RPS6KA6: variants seen among roughly 807,000 people sequenced by gnomAD.
RPS6KA6 encodes ribosomal protein S6 kinase A6.
Under a neutral mutation model 65.4 loss-of-function variants are expected in RPS6KA6, and 27 were observed. The ratio of observed to expected loss-of-function variants is 0.41; its 90% CI spans 0.30 to 0.57. The LOEUF (loss-of-function observed/expected upper bound fraction) is 0.57, where lower values mean the gene tolerates loss of function less well. Ranked by LOEUF, RPS6KA6 falls within the 20% of genes least tolerant of loss-of-function variation. RPS6KA6 has a pLI of 0.24. For missense variants in RPS6KA6, 486 were observed against 555.6 expected (o/e 0.87, Z 1.26); for synonymous variants, 190 against 184.2 (o/e 1.03, Z -0.26).
chrX:84,060,599 A>G lies in RPS6KA6; in HGVS notation c.*3678T>C, dbSNP rs918382181. 6.3e-5 allele frequency: 7 copies of G among 110,983 alleles called. No individual in the cohort carries two copies. The Admixed American group carries it at 6.7e-4, about 11-fold the overall frequency. 9.1% of individuals were successfully genotyped at this position (110,983 alleles called of 1,213,427 possible). On this transcript the variant is annotated 3_prime_UTR_variant, in exon 22 of 22. Coordinates refer to ENST00000262752, the MANE Select transcript of RPS6KA6 (RefSeq NM_014496.5). ...TAATCGCCAATCTCTGTCTACCTCCACATCATTTTGTCATAGAAGTTCATT... is the reference window on the plus strand; with the variant it reads ...TAATCGCCAATCTCTGTCTACCTCCGCATCATTTTGTCATAGAAGTTCATT...
At chrX:84,157,541 A>C (rs746097206) in intron 2 of RPS6KA6, among the ~76,000 whole-genome samples, 1 of 111,146 alleles carries the variant, frequency 9.0e-6, no homozygotes, top group African/African-American at 3.3e-5. Context: ...ATATTAAAGT[A>C]TAATATATCT....
rs1159492845 is a variant in RPS6KA6 at position 84,060,434 on chromosome X, A to T, written c.*3843T>A. Reference sequence around the variant, plus strand: ...GGACTCCATGAGTAGTTTGGATTCAATCTCTCTGTGCTTTTTTTTTTCTTT... The same window carrying T: ...GGACTCCATGAGTAGTTTGGATTCATTCTCTCTGTGCTTTTTTTTTTCTTT... On this transcript the variant is annotated 3_prime_UTR_variant, in exon 22 of 22. Coordinates refer to ENST00000262752, the MANE Select transcript of RPS6KA6 (RefSeq NM_014496.5). The T allele has an allele frequency of 1.0e-5, 1 of 97,245 alleles. No homozygotes were observed. The highest frequency in any genetic ancestry group is 2.0e-5 in the Non-Finnish European group (1 of 49,291). 8.0% of individuals were successfully genotyped at this position (97,245 alleles called of 1,213,427 possible). A position where few individuals can be genotyped will look rare whatever the true frequency, so the allele number is the denominator to read the frequency against.
At chrX:84,156,248 T>C in intron 2 of RPS6KA6, 57 bp from the exon 3 acceptor site, 1 of 646,375 alleles carries the variant, frequency 1.5e-6, no homozygotes, top group Non-Finnish European at 2.5e-6. Flanking sequence ...TCTGATTAGT[T>C]CCATTTAAAA....
intron 9 of RPS6KA6, 68 bp downstream of exon 9, chrX:84,119,817 A>G: frequency 2.2e-6 from 2 of 906,299 alleles, no homozygotes; most frequent in Non-Finnish European, 2.9e-6. Context: ...CCAAAATTTG[A>G]ATTAAAATAA....
At chrX:84,082,131 A>C (rs1461704725) in intron 20 of RPS6KA6, among the ~76,000 whole-genome samples, 1 of 111,850 alleles carries the variant, frequency 8.9e-6, no homozygotes, top group Non-Finnish European at 1.9e-5. Flanking sequence ...AAGGGTATTC[A>C]AATAGGAGGA....
intron 2 of RPS6KA6, among the ~76,000 whole-genome samples, chrX:84,159,841 G>T (rs2035483005): frequency 9.1e-6 from 1 of 110,247 alleles, no homozygotes; most frequent in Non-Finnish European, 1.9e-5. Context: ...CTTATTTGAG[G>T]AGGAAATTAG....
In RPS6KA6 at chrX:84,061,110, C is replaced by T. The variant is rs926233572; in HGVS notation, c.*3167G>A. On this transcript the variant is annotated 3_prime_UTR_variant, in exon 22 of 22. Coordinates refer to ENST00000262752, the MANE Select transcript of RPS6KA6 (RefSeq NM_014496.5). ...AGATAGCATGAAGGGGCTGGAAAGC[C>T]AGGAGAAAGAGAATGTACAGAATAC... 8.9e-6 allele frequency: 1 copy of T among 111,996 alleles called. No individual in the cohort carries two copies. Among genetic ancestry groups the T allele is most frequent in the Non-Finnish European group, 1.9e-5 (1 of 53,123 alleles). 9.2% of individuals were successfully genotyped at this position (111,996 alleles called of 1,213,427 possible). A position where few individuals can be genotyped will look rare whatever the true frequency, so the allele number is the denominator to read the frequency against.
chrX:84,181,962 T>A (rs1214291581), intron 1 of RPS6KA6, among the ~76,000 whole-genome samples: 1 of 109,350 alleles, frequency 9.1e-6, no homozygotes, highest in African/African-American at 3.3e-5. Context: ...CCATATACCA[T>A]CTCAAATGCT....
chrX:84,102,057 C>T lies in RPS6KA6; in HGVS notation c.1756G>A (p.Ala586Thr). 1.7e-6 allele frequency: 2 copies of T among 1,185,003 alleles called. No homozygotes were observed. The highest frequency in any genetic ancestry group is 2.3e-6 in the Non-Finnish European group (2 of 883,057). ...NGLLLTPCYT[A>T]NFVAPEVLMQ... Reference sequence around the variant, plus strand: ...AATACCTCAGGTGCAACAAAGTTTGCAGTGTAGCATGGAGTTAAGAGAAGT... The same window carrying T: ...AATACCTCAGGTGCAACAAAGTTTGTAGTGTAGCATGGAGTTAAGAGAAGT... The change falls in exon 18 of 22, where the codon GCA becomes ACA. Residue 586 changes from alanine (A) to threonine (T), a missense_variant. Transcript: ENST00000262752.
In RPS6KA6 at chrX:84,117,974, T is replaced by A. The variant is rs186600306; in HGVS notation, c.790-520A>T. Among the ~76,000 whole-genome samples, 13 of 110,179 alleles carry A rather than the reference T, an allele frequency of 1.2e-4. No individual in the cohort carries two copies. In the Admixed American group the frequency reaches 1.3e-3, roughly 11 times the overall value. Reference sequence around the variant, plus strand: ...CCCCTGCCACACACACACATGCCAATAGCTTTAAAAAAGAAACATACACCT... The same window carrying A: ...CCCCTGCCACACACACACATGCCAAAAGCTTTAAAAAAGAAACATACACCT... On this transcript the variant is annotated intron_variant, in intron 9 of 21. Coordinates refer to ENST00000262752, the MANE Select transcript of RPS6KA6 (RefSeq NM_014496.5).
chrX:84,179,065 A>G (rs1029758038), intron 1 of RPS6KA6, among the ~76,000 whole-genome samples: 3 of 111,061 alleles, frequency 2.7e-5, no homozygotes, highest in African/African-American at 1.0e-4. Flanking sequence ...TCAAAATTCA[A>G]TAATAAGAAA....
intron 17 of RPS6KA6, 67 bp from the exon 18 acceptor site, chrX:84,102,265 A>G (rs1050658898): frequency 4.0e-5 from 22 of 550,704 alleles, no homozygotes; most frequent in Non-Finnish European, 5.1e-5. Flanking sequence ...ATAAAACATT[A>G]TATCTATATA....
At chrX:84,132,279 G>A (rs1018111418) in intron 8 of RPS6KA6, among the ~76,000 whole-genome samples, 7 of 110,438 alleles carry the variant, frequency 6.3e-5, no homozygotes, top group Non-Finnish European at 1.3e-4. Flanking sequence ...AAATAGCTGG[G>A]TGTGGTGGCA....
In RPS6KA6 at chrX:84,156,124, G is replaced by C; in HGVS notation, c.209C>G (p.Pro70Arg). 1 of 1,200,472 alleles carries C rather than the reference G, an allele frequency of 8.3e-7. No individual in the cohort carries two copies. Among genetic ancestry groups the C allele is most frequent in the South Asian group, 1.8e-5 (1 of 56,639 alleles). ...HVKEGYEKAD[P>R]AQFELLKVLG... ...AACCTTGAGCAACTCAAACTGTGCA[G>C]GATCTGCTTTCTCATAGCCTTCCTT... The change falls in exon 3 of 22, where the codon CCT (proline) becomes CGT (arginine). Residue 70 changes from proline to arginine, a missense_variant. By Grantham distance (103) the Pro-to-Arg change is moderately radical (BLOSUM62 -2). Transcript: ENST00000262752.
chrX:84,112,366 T>A (rs2034484993), intron 12 of RPS6KA6, among the ~76,000 whole-genome samples: 1 of 111,996 alleles, frequency 8.9e-6, no homozygotes, highest in Non-Finnish European at 1.9e-5. Flanking sequence ...CTACAGCATA[T>A]ACATTTTTCT....
chrX:84,082,732 C>A (rs77004840), intron 20 of RPS6KA6, among the ~76,000 whole-genome samples: 1 of 111,763 alleles, frequency 8.9e-6, no homozygotes, highest in Non-Finnish European at 1.9e-5. Flanking sequence ...CAGCATGGTA[C>A]TGGTACCAAA....
intron 1 of RPS6KA6, among the ~76,000 whole-genome samples, chrX:84,174,637 T>C (rs976590487): frequency 1.6e-4 from 18 of 111,947 alleles, no homozygotes; most frequent in Non-Finnish European, 3.4e-4. Context: ...CATTTTGAAT[T>C]ACCTGTGCTT....
intron 1 of RPS6KA6, among the ~76,000 whole-genome samples, chrX:84,164,738 T>TG (rs1232906009): frequency 8.9e-6 from 1 of 111,849 alleles, no homozygotes; most frequent in African/African-American, 3.2e-5. Flanking sequence ...AAATCTACCA[T>TG]GGGGGTATAT....
At chrX:84,150,560 A>G (rs756506908) in intron 3 of RPS6KA6, among the ~76,000 whole-genome samples, 1 of 109,823 alleles carries the variant, frequency 9.1e-6, no homozygotes, top group East Asian at 2.9e-4. Flanking sequence ...AGAGGGGCCC[A>G]AGGAGACAGA....
Sources: gnomAD v4.1 joint callset for allele counts (sites outside exome capture counted in the v4.1 genomes callset) on GRCh38, gnomAD v4.1.1 for gene constraint, MANE v1.5 for transcripts, NCBI Gene and HGNC (gene_info 2026-07-23, HGNC 2026-07-21) for gene names.